Variants in AFF3 observed in about 807,000 individuals in gnomAD.
AFF3 encodes the protein ALF transcription elongation factor 3.
In AFF3, 32 loss-of-function variants were observed where a neutral mutation model predicts 129.7. That is an observed-to-expected ratio of 0.25 (90% CI 0.19 to 0.33). The LOEUF is 0.33. Among genes scored for constraint, AFF3 ranks in the 10% least tolerant of loss-of-function variants. The pLI is 1.00. For synonymous variants in AFF3, 644 were observed against 635.4 expected, an observed-to-expected ratio of 1.01 and a Z score of -0.20; for missense variants, 1,373 against 1,592.0, an observed-to-expected ratio of 0.86 and a Z score of 2.34.
At chr2:99,681,150 C>T (rs1251468865) in intron 11 of AFF3, among the ~76,000 whole-genome samples, 1 of 152,118 alleles carries the variant, frequency 6.6e-6, no homozygotes, top group Non-Finnish European at 1.5e-5. Flanking sequence ...TGTTGGGACC[C>T]ACTATATAAC....
chr2:99,844,434 C>CTTTTTTTTTT (rs984233053), intron 7 of AFF3, among the ~76,000 whole-genome samples: 6 of 92,464 alleles, frequency 6.5e-5, no homozygotes, highest in African/African-American at 8.7e-5. Context: ...TTTTTCTTTT[C>CTTTTTTTTTT]TTTTTTTTTT....
At chr2:99,792,500 A>AACAG (rs1685265720) in intron 8 of AFF3, among the ~76,000 whole-genome samples, 1 of 150,980 alleles carries the variant, frequency 6.6e-6, no homozygotes, top group Non-Finnish European at 1.5e-5. Flanking sequence ...AACAAAAACA[A>AACAG]ACAAAACAAC....
chr2:99,565,671 T>C, intron 19 of AFF3, 48 bp from the exon 20 acceptor site: 2 of 1,583,472 alleles, frequency 1.3e-6, no homozygotes, highest in Non-Finnish European at 1.7e-6. Context: ...TAGTTTTTTT[T>C]AAATGGCATT....
At chr2:99,733,836 A>T (rs1429812156) in intron 10 of AFF3, among the ~76,000 whole-genome samples, 1 of 152,172 alleles carries the variant, frequency 6.6e-6, no homozygotes, top group Non-Finnish European at 1.5e-5. Flanking sequence ...ACTTAGCTTT[A>T]ATATATATTT....
chr2:99,753,736 C>T (rs545743644), intron 8 of AFF3, among the ~76,000 whole-genome samples: 56 of 152,316 alleles, frequency 3.7e-4, no homozygotes, highest in Non-Finnish European at 6.6e-4. Context: ...CACCACGACA[C>T]GTGACACAGA....
chr2:100,130,182 G>A (rs1447846367), intron 1 of AFF3, among the ~76,000 whole-genome samples: 1 of 152,236 alleles, frequency 6.6e-6, no homozygotes, highest in Non-Finnish European at 1.5e-5. Context: ...CAGGTAGGAT[G>A]CGTGAAGTTT....
chr2:99,675,934 C>T (rs770131568), intron 11 of AFF3, among the ~76,000 whole-genome samples: 17 of 150,178 alleles, frequency 1.1e-4, no homozygotes, highest in Non-Finnish European at 2.4e-4. Flanking sequence ...AAGGAAGATG[C>T]AAATTAAGTG....
At chr2:99,756,879 G>A (rs1382204807) in intron 8 of AFF3, among the ~76,000 whole-genome samples, 1 of 152,102 alleles carries the variant, frequency 6.6e-6, no homozygotes, top group Non-Finnish European at 1.5e-5. Flanking sequence ...TTAATGAAAC[G>A]AATACCTGTG....
intron 1 of AFF3, among the ~76,000 whole-genome samples, chr2:100,132,109 T>A (rs1412856847): frequency 6.6e-6 from 1 of 152,206 alleles, no homozygotes; most frequent in Non-Finnish European, 1.5e-5. Context: ...AGGATTCTGC[T>A]GTTGAAATTG....
At chr2:99,909,273 T>C (rs888741843) in intron 7 of AFF3, among the ~76,000 whole-genome samples, 4 of 134,888 alleles carry the variant, frequency 3.0e-5, no homozygotes, top group Admixed American at 8.0e-5. Flanking sequence ...CACTCATAGG[T>C]GGGAATTGAA....
Position 99,594,043 on chromosome 2 carries a change from G to A in AFF3, c.1618C>T (p.Pro540Ser), listed in dbSNP as rs1381191216. The A allele has an allele frequency of 1.9e-5, 30 of 1,609,974 alleles. No individual in the cohort carries two copies. Among genetic ancestry groups the A allele is most frequent in the Non-Finnish European group, 2.3e-5 (27 of 1,177,528 alleles). The change falls in exon 15 of 25, where the codon CCT becomes TCT. Residue 540 changes from proline (P) to serine (S), a missense_variant. By Grantham distance (74) the Pro-to-Ser change is moderately conservative. Around this residue, in one of 9 missense-constraint regions of AFF3, gnomAD observed 413 missense variants for 424.4 expected, o/e 0.97. Coordinates refer to ENST00000672756, the MANE Select transcript of AFF3 (RefSeq NM_001386135.1). The stretch of plus-strand genomic sequence containing the variant: ...TTCTGCTTCACGCCTTTACTCCCAG[G>A]GGCCTTGTTGGCTGTCCTTGGCCTT... ...EQRPRTANKA[P>S]GSKGVKQKSP...
intron 8 of AFF3, among the ~76,000 whole-genome samples, chr2:99,835,014 G>A (rs915252456): frequency 7.2e-5 from 11 of 152,058 alleles, no homozygotes; most frequent in Non-Finnish European, 1.3e-4. Flanking sequence ...CCAAAGGCAC[G>A]CCAAACTCAC....
rs180944932 is a variant in AFF3 at position 100,055,910 on chromosome 2, A to G, written c.54-46978T>C. On this transcript the variant is annotated intron_variant, in intron 4 of 24. Coordinates refer to ENST00000672756, the MANE Select transcript of AFF3 (RefSeq NM_001386135.1). ...TTGTGGGCCCAGCACAGTGGCTCAC[A>G]CCTGTAATCCCAGAGCTTTCAGAGT... is the stretch of plus-strand genomic sequence containing the variant. Among the ~76,000 whole-genome samples, 6 of 152,164 alleles carry G rather than the reference A, an allele frequency of 3.9e-5. No individual in the cohort carries two copies. In the East Asian group the frequency reaches 1.2e-3, roughly 29 times the overall value.
intron 10 of AFF3, among the ~76,000 whole-genome samples, chr2:99,734,881 T>A (rs1011599346): frequency 6.6e-5 from 10 of 152,134 alleles, no homozygotes; most frequent in Non-Finnish European, 1.3e-4. Context: ...ACTGCCTTGA[T>A]ATAATGAGTT....
At chr2:99,871,584 T>C (rs1691868481) in intron 7 of AFF3, among the ~76,000 whole-genome samples, 1 of 152,226 alleles carries the variant, frequency 6.6e-6, no homozygotes, top group African/African-American at 2.4e-5. Context: ...GAAGGCCGTA[T>C]TGTGAACATT....
intron 8 of AFF3, among the ~76,000 whole-genome samples, chr2:99,797,128 G>A (rs1457008338): frequency 1.3e-5 from 2 of 152,130 alleles, no homozygotes; most frequent in Non-Finnish European, 1.5e-5. Context: ...GCAACCCATA[G>A]TGAGAAAAAA....
chr2:99,937,154 T>C (rs1472700171), intron 7 of AFF3, among the ~76,000 whole-genome samples: 2 of 152,150 alleles, frequency 1.3e-5, no homozygotes, highest in African/African-American at 4.8e-5. Flanking sequence ...CCCAAATCCA[T>C]AAATTTGAAG....
intron 7 of AFF3, among the ~76,000 whole-genome samples, chr2:99,839,298 T>C (rs1576152251): frequency 6.6e-6 from 1 of 152,010 alleles, no homozygotes; most frequent in Non-Finnish European, 1.5e-5. Context: ...TTAGTAGAGA[T>C]GGGGTTTCAC....
chr2:99,672,799 C>T (rs950542978), intron 11 of AFF3, among the ~76,000 whole-genome samples: 3 of 152,268 alleles, frequency 2.0e-5, no homozygotes, highest in Admixed American at 2.0e-4. Context: ...AAAATTAACC[C>T]TCACAACAGT....
Sources: gnomAD v4.1 joint callset for allele counts (sites outside exome capture counted in the v4.1 genomes callset) on GRCh38, gnomAD v4.1.1 for gene constraint, gnomAD v4.1.1 regional missense constraint, MANE v1.5 for transcripts, NCBI Gene and HGNC (gene_info 2026-07-23, HGNC 2026-07-21) for gene names.